The following FGD6 variants were observed in gnomAD, a reference collection of about 807,000 sequenced individuals.
The protein encoded by FGD6 is FYVE, RhoGEF and PH domain-containing protein 6.
A neutral mutation model predicts 149.4 loss-of-function variants in FGD6; 90 were observed. The ratio of observed to expected loss-of-function variants is 0.60; its 90% CI spans 0.51 to 0.72. FGD6 has a LOEUF of 0.72. FGD6 is among the 30% of genes least tolerant of loss of function. The probability of loss-of-function intolerance (pLI) is 0.00; values close to 1 mark genes in which losing one functional copy is unlikely to be tolerated. For missense variants in FGD6, 1,437 were observed against 1,684.8 expected (o/e 0.85, Z 2.57); for synonymous variants, 527 against 584.0 (o/e 0.90, Z 1.41).
In FGD6 at chr12:95,141,397, A is replaced by G. The variant is rs1461058378; in HGVS notation, c.2828T>C (p.Met943Thr). The G allele has an allele frequency of 6.2e-7, 1 of 1,614,052 alleles. No homozygotes were observed. The highest frequency in any genetic ancestry group is 1.1e-5 in the South Asian group (1 of 91,050). Residue 943 changes from methionine (M) to threonine (T), a missense_variant, in exon 6 of 21, where the codon ATG becomes ACG. By Grantham distance (81) the Met-to-Thr change is moderately conservative (BLOSUM62 -1). This residue lies in a region of FGD6 where 1,055 missense variants were observed against 1,146.0 expected (regional missense o/e 0.92). Coordinates refer to ENST00000343958, the MANE Select transcript of FGD6 (RefSeq NM_018351.4). ...RDLLKELEER[M>T]LHWTEQQRIA... ...AACGGTCCATTTTTACCAGTGCAACATTCTTTCCTCCAGTTCCTTCAAGAG... is the reference window on the plus strand; with the variant it reads ...AACGGTCCATTTTTACCAGTGCAACGTTCTTTCCTCCAGTTCCTTCAAGAG...
At chr12:95,174,638 G>GGTT (rs1046050119) in intron 2 of FGD6, among the ~76,000 whole-genome samples, 1 of 152,244 alleles carries the variant, frequency 6.6e-6, no homozygotes, top group Non-Finnish European at 1.5e-5. Flanking sequence ...GAAGAAATTA[G>GGTT]GTTTATTTGG....
intron 4 of FGD6, 38 bp downstream of exon 4, chr12:95,152,888 G>A: frequency 6.2e-7 from 1 of 1,613,506 alleles, no homozygotes; most frequent in Non-Finnish European, 8.5e-7. Context: ...TGCCAATGGG[G>A]GGAAAACAGT....
chr12:95,089,628 C>CTGA lies in FGD6; in HGVS notation c.3916_3918dup (p.Ser1306dup). 2 of 1,613,970 alleles carry CTGA rather than the reference C, an allele frequency of 1.2e-6. No individual in the cohort carries two copies. ...CTCCCTGATGGAATGCTATGTAAGA[C>CTGA]TGATGATAAGGCACTTGAAGGAGAT... On this transcript the variant is annotated inframe_insertion, in exon 18 of 21. Coordinates refer to ENST00000343958, the MANE Select transcript of FGD6 (RefSeq NM_018351.4).
rs769495536 is a variant in FGD6, at chr12:95,217,225, C to T, written c.16G>A (p.Glu6Lys). 17 of 1,612,128 alleles carry T rather than the reference C, an allele frequency of 1.1e-5. No homozygotes were observed. In the East Asian group the frequency reaches 3.6e-4, roughly 34 times the overall value. Reference sequence around the variant, plus strand: ...CGGCAGCGCGAGCGCCGTCACTTACCGGCTGCAGAAGTCATGATTCCCCGG... The same window carrying T: ...CGGCAGCGCGAGCGCCGTCACTTACTGGCTGCAGAAGTCATGATTCCCCGG... Reference protein sequence around the residue: MTSAAEIKKPPVAPKP... With the variant: MTSAAKIKKPPVAPKP... Residue 6 changes from glutamate (E) to lysine (K), a missense_variant and splice_region_variant, in exon 1 of 21, where the codon GAG (glutamate) becomes AAG (lysine). This residue lies in a region of FGD6 where 1,055 missense variants were observed against 1,146.0 expected (regional missense o/e 0.92). Coordinates refer to ENST00000343958, the MANE Select transcript of FGD6 (RefSeq NM_018351.4).
chr12:95,080,722 G>A lies in FGD6; in HGVS notation c.*798C>T, dbSNP rs1241167014. ...TGTGACATAATGCTTGCTATATTTT[G>A]CTATTTTAAAAAATGATACATTTAT... On this transcript the variant is annotated 3_prime_UTR_variant, in exon 21 of 21. Transcript: ENST00000343958. The A allele has an allele frequency of 6.6e-6, 1 of 151,986 alleles. No individual in the cohort carries two copies. The highest frequency in any genetic ancestry group is 2.4e-5 in the African/African-American group (1 of 41,374). The allele number at this position is 151,986 out of a possible 1,614,324, so 9.4% of individuals were successfully genotyped here.
At position 95,091,690 on chromosome 12, in the gene FGD6, C is replaced by A. The variant is rs757639830; in HGVS notation, c.3850+17G>T. The A allele has an allele frequency of 1.9e-6, 3 of 1,595,588 alleles. No individual in the cohort carries two copies. The South Asian group carries it at 3.4e-5, about 18-fold the overall frequency. On this transcript the variant is annotated intron_variant, in intron 17 of 20. Coordinates refer to ENST00000343958, the MANE Select transcript of FGD6 (RefSeq NM_018351.4). ...GGAATAAAGGAATTTTTGGTTAAAT[C>A]CTTACTTATATATTACCTAATTTCT...
intron 9 of FGD6, 76 bp from the exon 10 acceptor site, chr12:95,108,637 AG>A: frequency 6.5e-7 from 1 of 1,534,336 alleles, no homozygotes; most frequent in Non-Finnish European, 9.0e-7. Flanking sequence ...AAGCAATTCC[AG>A]GGGACAAGAT....
chr12:95,102,041 C>A (rs1592831742), intron 14 of FGD6, among the ~76,000 whole-genome samples: 1 of 138,946 alleles, frequency 7.2e-6, no homozygotes, highest in South Asian at 2.5e-4. Context: ...AAGGGCTGAA[C>A]ACAATCCTGC....
chr12:95,092,808 C>G lies in FGD6; in HGVS notation c.3638G>C (p.Gly1213Ala), dbSNP rs1376873218. 1 of 1,613,862 alleles carries G rather than the reference C, an allele frequency of 6.2e-7. No individual in the cohort carries two copies. Among genetic ancestry groups the G allele is most frequent in the Non-Finnish European group, 8.5e-7 (1 of 1,179,916 alleles). Reference protein sequence around the residue: ...SENKEEVSPLGSKAPIWIPDT... With the variant: ...SENKEEVSPLASKAPIWIPDT... ...AGGAATCCAGATGGGAGCCTTCGAT[C>G]CAAGAGGACTAACTTCTTCTTTATT... Residue 1213 changes from glycine (G) to alanine (A), a missense_variant, in exon 16 of 21, where the codon GGA becomes GCA. Around this residue, in one of 2 missense-constraint regions of FGD6, gnomAD observed 382 missense variants for 538.7 expected, o/e 0.71. Coordinates refer to ENST00000343958, the MANE Select transcript of FGD6 (RefSeq NM_018351.4).
intron 2 of FGD6, among the ~76,000 whole-genome samples, chr12:95,200,083 C>T (rs950488609): frequency 6.6e-6 from 1 of 152,134 alleles, no homozygotes; most frequent in Non-Finnish European, 1.5e-5. Context: ...ACAGGCTATT[C>T]TAAGTTTATT....
intron 5 of FGD6, among the ~76,000 whole-genome samples, chr12:95,141,999 G>A (rs543272172): frequency 6.6e-5 from 10 of 152,230 alleles, no homozygotes; most frequent in African/African-American, 2.4e-4. Flanking sequence ...GAGCATCCTA[G>A]GTGAGGCATG....
chr12:95,102,222 T>C (rs1274824853), intron 14 of FGD6, among the ~76,000 whole-genome samples: 1 of 151,482 alleles, frequency 6.6e-6, no homozygotes, highest in Non-Finnish European at 1.5e-5. Context: ...GGTGGGTGGA[T>C]CACTTGAGGT....
chr12:95,120,766 G>T, intron 8 of FGD6, among the ~76,000 whole-genome samples: 1 of 152,118 alleles, frequency 6.6e-6, no homozygotes, highest in East Asian at 1.9e-4. Flanking sequence ...TTCCTAAAGG[G>T]ATGTGAAACT....
intron 6 of FGD6, among the ~76,000 whole-genome samples, chr12:95,138,036 C>T (rs1879726204): frequency 6.6e-6 from 1 of 151,834 alleles, no homozygotes; most frequent in Non-Finnish European, 1.5e-5. Flanking sequence ...GCCTGACCAA[C>T]ATGGAGAAAC....
At chr12:95,100,053 G>T (rs914646768) in intron 14 of FGD6, among the ~76,000 whole-genome samples, 3 of 29,644 alleles carry the variant, frequency 1.0e-4, no homozygotes, top group African/African-American at 4.0e-4. Flanking sequence ...TAACTTTTCT[G>T]ATCCCCCCCC....
intron 2 of FGD6, among the ~76,000 whole-genome samples, chr12:95,204,474 T>C (rs1429082556): frequency 6.6e-6 from 1 of 152,178 alleles, no homozygotes; most frequent in East Asian, 1.9e-4. Flanking sequence ...CACTGCCTAC[T>C]AATTCCCAGC....
intron 14 of FGD6, among the ~76,000 whole-genome samples, chr12:95,101,681 C>CTTTTTTT (rs757955014): frequency 1.0e-4 from 11 of 107,802 alleles, no homozygotes; most frequent in Non-Finnish European, 1.4e-4. Flanking sequence ...TTTGAACTTT[C>CTTTTTTT]TTTTTTTTTT....
At chr12:95,203,717 A>G (rs1443596048) in intron 2 of FGD6, among the ~76,000 whole-genome samples, 1 of 152,234 alleles carries the variant, frequency 6.6e-6, no homozygotes, top group Non-Finnish European at 1.5e-5. Flanking sequence ...TAAGTTGCCT[A>G]GGAAAACCCA....
intron 14 of FGD6, among the ~76,000 whole-genome samples, chr12:95,101,770 C>T (rs1230872152): frequency 6.7e-6 from 1 of 148,584 alleles, no homozygotes; most frequent in Non-Finnish European, 1.5e-5. Flanking sequence ...GCAACCTCCA[C>T]TTCCTGGGTT....
Sources: allele counts gnomAD v4.1 joint callset (sites outside exome capture counted in the v4.1 genomes callset), GRCh38; gene constraint gnomAD v4.1.1; regional missense constraint gnomAD v4.1.1; transcripts MANE v1.5; gene names NCBI Gene and HGNC (gene_info 2026-07-23, HGNC 2026-07-21).